TUSC3: variants seen among roughly 807,000 people sequenced by gnomAD.
The protein encoded by TUSC3 is dolichyl-diphosphooligosaccharide--protein glycosyltransferase subunit TUSC3.
A neutral mutation model predicts 44.8 loss-of-function variants in TUSC3; 45 were observed. The observed-to-expected ratio is 1.00, with a 90% CI of 0.79 to 1.29. The LOEUF is 1.29. TUSC3 is among the 50% of genes most tolerant of loss of function. TUSC3 has a pLI of 0.00. For missense variants in TUSC3, 519 were observed against 437.9 expected (o/e 1.19, Z -1.65); for synonymous variants, 212 against 152.9 (o/e 1.39, Z -2.85).
intron 2 of TUSC3, among the ~76,000 whole-genome samples, chr8:15,523,388 C>A (rs750444557): frequency 6.6e-6 from 1 of 151,932 alleles, no homozygotes; most frequent in Non-Finnish European, 1.5e-5. Flanking sequence ...GTACATTTTG[C>A]AGTATCCTTT....
chr8:15,459,636 G>A (rs549323649), intron 1 of TUSC3, among the ~76,000 whole-genome samples: 42 of 151,956 alleles, frequency 2.8e-4, no homozygotes, highest in East Asian at 3.9e-4. Context: ...CCTTCTCTGC[G>A]AGTCTCCAAA....
the TUSC3 span, among the ~76,000 whole-genome samples, chr8:15,778,997 G>C: frequency 6.6e-6 from 1 of 151,720 alleles, no homozygotes; most frequent in South Asian, 2.1e-4. Flanking sequence ...CTTTACTTTA[G>C]TAATTCCTCA....
Position 15,604,613 on chromosome 8 carries a change from T to C in TUSC3, c.139-18467T>C, listed in dbSNP as rs1415190350. Among the ~76,000 whole-genome samples the C allele has an allele frequency of 2.0e-5, 3 of 151,834 alleles. No homozygotes were observed. In the East Asian group the frequency reaches 5.8e-4, roughly 29 times the overall value. On this transcript the variant is annotated intron_variant, in intron 1 of 10. Coordinates refer to ENST00000503731, the MANE Select transcript of TUSC3 (RefSeq NM_006765.4). ...TTTTGTCATTTGCTTCAGGTACATA[T>C]GGGTTACTGAATAATTACCGAATTA...
At chr8:15,596,438 G>C (rs1038354504) in intron 1 of TUSC3, among the ~76,000 whole-genome samples, 1 of 152,062 alleles carries the variant, frequency 6.6e-6, no homozygotes, top group Non-Finnish European at 1.5e-5. Flanking sequence ...CAAAACCTTT[G>C]CATACAGAGT....
At chr8:15,625,995 C>G (rs1481023698) in intron 2 of TUSC3, among the ~76,000 whole-genome samples, 2 of 152,206 alleles carry the variant, frequency 1.3e-5, no homozygotes, top group Non-Finnish European at 2.9e-5. Flanking sequence ...AGCAGCGGGC[C>G]ATCCGAAGAG....
intron 6 of TUSC3, among the ~76,000 whole-genome samples, chr8:15,692,559 C>T (rs532930874): frequency 4.0e-5 from 6 of 151,620 alleles, no homozygotes; most frequent in Middle Eastern, 6.8e-3. Context: ...TCACTTTCTT[C>T]CTGGTTCAGT....
At chr8:15,829,649 G>C in the TUSC3 span, among the ~76,000 whole-genome samples, 1 of 151,822 alleles carries the variant, frequency 6.6e-6, no homozygotes, top group Non-Finnish European at 1.5e-5. Context: ...TTATACTCCT[G>C]AGTTTTGTGT....
At chr8:15,735,025 T>A (rs775315044) in intron 7 of TUSC3, among the ~76,000 whole-genome samples, 1 of 152,200 alleles carries the variant, frequency 6.6e-6, no homozygotes, top group Non-Finnish European at 1.5e-5. Flanking sequence ...GAATTCTTTT[T>A]GAAGTATTAT....
At chr8:15,540,249 C>T (rs1801630908), upstream of TUSC3, 7 of 854,774 alleles carry the variant, frequency 8.2e-6, 1 homozygote, top group East Asian at 3.4e-5. Flanking sequence ...TCCCGGTGAA[C>T]CGGATGCTCT....
At chr8:15,527,046 T>G (rs887698691) in intron 2 of TUSC3, among the ~76,000 whole-genome samples, 1 of 152,250 alleles carries the variant, frequency 6.6e-6, no homozygotes, top group African/African-American at 2.4e-5. Flanking sequence ...GAATAATTGA[T>G]TAATCAGAAT....
chr8:15,624,398 T>C (rs1356742696), intron 2 of TUSC3, among the ~76,000 whole-genome samples: 1 of 152,206 alleles, frequency 6.6e-6, no homozygotes, highest in Non-Finnish European at 1.5e-5. Context: ...GCCAAAATGT[T>C]TTCTAGAATG....
intron 2 of TUSC3, among the ~76,000 whole-genome samples, chr8:15,487,808 A>T (rs1800753463): frequency 6.6e-6 from 1 of 151,980 alleles, no homozygotes; most frequent in South Asian, 2.1e-4. Context: ...TTCATTTGAC[A>T]TCGTTGTTTT....
intron 8 of TUSC3, among the ~76,000 whole-genome samples, chr8:15,744,321 G>A (rs1811315355): frequency 6.6e-6 from 1 of 152,044 alleles, no homozygotes. Context: ...GAACACACAG[G>A]GAAAATGTGC....
chr8:15,717,900 TAAAAG>T (rs1251459377), intron 6 of TUSC3, among the ~76,000 whole-genome samples: 2 of 152,096 alleles, frequency 1.3e-5, no homozygotes, highest in South Asian at 2.1e-4. Flanking sequence ...ACAAAATACT[TAAAAG>T]AGAATGAAGA....
chr8:15,463,192 A>T (rs1800370019), intron 1 of TUSC3, among the ~76,000 whole-genome samples: 1 of 151,998 alleles, frequency 6.6e-6, no homozygotes, highest in Non-Finnish European at 1.5e-5. Context: ...GCAGAGTAAA[A>T]TTTTCCATCA....
chr8:15,472,625 C>G (rs375233582), intron 1 of TUSC3, among the ~76,000 whole-genome samples: 4 of 152,114 alleles, frequency 2.6e-5, no homozygotes, highest in African/African-American at 9.7e-5. Flanking sequence ...AAACACAGCT[C>G]ATTTCACTAT....
intron 9 of TUSC3, among the ~76,000 whole-genome samples, chr8:15,749,719 C>T (rs1811608077): frequency 6.9e-6 from 1 of 143,886 alleles, no homozygotes; most frequent in Non-Finnish European, 1.5e-5. Context: ...AAGTAATATC[C>T]AAGAAAGATG....
At chr8:15,602,164 A>G (rs1395226917) in intron 1 of TUSC3, among the ~76,000 whole-genome samples, 1 of 151,558 alleles carries the variant, frequency 6.6e-6, no homozygotes, top group African/African-American at 2.4e-5. Context: ...CCAAAGTCTG[A>G]AAAAAGTCTG....
chr8:15,654,851 A>G (rs942396310), intron 3 of TUSC3, among the ~76,000 whole-genome samples: 8 of 152,312 alleles, frequency 5.3e-5, no homozygotes, highest in African/African-American at 1.9e-4. Flanking sequence ...AGAGTTCAGA[A>G]GGTATTATGA....
Sources: allele counts gnomAD v4.1 joint callset (sites outside exome capture counted in the v4.1 genomes callset), GRCh38; gene constraint gnomAD v4.1.1; transcripts MANE v1.5; gene names NCBI Gene and HGNC (gene_info 2026-07-23, HGNC 2026-07-21).